The following ZNF470 variants were observed in gnomAD, a reference collection of about 807,000 sequenced individuals.
ZNF470 encodes chondrogenesis zinc finger protein 1.
ZNF470 carries 13 observed loss-of-function variants against 13.9 expected under a neutral mutation model. The observed-to-expected ratio is 0.94, with a 90% CI of 0.61 to 1.49. The LOEUF is 1.49. ZNF470 is among the 40% of genes most tolerant of loss of function. The pLI is 0.00. For synonymous variants in ZNF470, 293 were observed against 282.9 expected, an observed-to-expected ratio of 1.04 and a Z score of -0.36; for missense variants, 929 against 857.3, an observed-to-expected ratio of 1.08 and a Z score of -1.04.
Position 56,578,378 on chromosome 19 carries a change from A to G in ZNF470, c.1949A>G (p.Glu650Gly). Residue 650 changes from glutamate to glycine, a missense_variant, in exon 6 of 6, where the codon GAG becomes GGG. Glu to Gly is a moderately conservative substitution (Grantham distance 98). Coordinates refer to ENST00000330619, the MANE Select transcript of ZNF470 (RefSeq NM_001001668.4). The stretch of plus-strand genomic sequence containing the variant: ...ATTCATACAGGAGAGAAACCTTATG[A>G]GTGTAAGGAATGTAGCAAAGCCTTC... The part of the protein sequence containing the change: ...QRIHTGEKPY[E>G]CKECSKAFSQ... 1 of 1,610,950 alleles carries G rather than the reference A, an allele frequency of 6.2e-7. No homozygotes were observed. The highest frequency in any genetic ancestry group is 8.5e-7 in the Non-Finnish European group (1 of 1,178,332).
intron 3 of ZNF470, among the ~76,000 whole-genome samples, chr19:56,571,298 T>G (rs1490740050): frequency 6.6e-6 from 1 of 152,212 alleles, no homozygotes; most frequent in East Asian, 1.9e-4. Flanking sequence ...GTTAATAGAG[T>G]GTTGCAGTAA....
rs138393724 is a variant in ZNF470 at position 56,570,338 on chromosome 19, G to A, written c.27G>A (p.Val9=). The change falls in exon 3 of 6, where the codon GTG becomes GTA. Residue 9 remains valine, a synonymous_variant. Coordinates refer to ENST00000330619, the MANE Select transcript of ZNF470 (RefSeq NM_001001668.4). The part of the protein sequence containing the change: MKSQEEVE[V]AGIKLCKAMS... ...TGAAGAGCCAGGAAGAGGTAGAGGT[G>A]GCAGGAATTAAACTTTGTAAAGCCA... The A allele has an allele frequency of 3.7e-6, 6 of 1,614,042 alleles. No individual in the cohort carries two copies. In the African/African-American group the frequency reaches 8.0e-5, roughly 22 times the overall value.
At chr19:56,568,094 G>A (rs749971716) in intron 1 of ZNF470, 56 bp downstream of exon 1, 132 of 985,824 alleles carry the variant, frequency 1.3e-4, no homozygotes, top group Non-Finnish European at 1.5e-4. Context: ...GGTTTTGGGT[G>A]CTGTCTTTCG....
At chr19:56,570,880 C>T (rs1334802568) in intron 3 of ZNF470, among the ~76,000 whole-genome samples, 1 of 152,162 alleles carries the variant, frequency 6.6e-6, no homozygotes, top group Non-Finnish European at 1.5e-5. Context: ...AAAAAAAGTG[C>T]CCCTTCCTCT....
chr19:56,577,816 A>G lies in ZNF470; in HGVS notation c.1387A>G (p.Ser463Gly). 6.2e-7 allele frequency: 1 copy of G among 1,614,112 alleles called. No homozygotes were observed. Among genetic ancestry groups the G allele is most frequent in the East Asian group, 2.2e-5 (1 of 44,864 alleles). Residue 463 changes from serine to glycine, a missense_variant, in exon 6 of 6, where the codon AGC becomes GGC. Physicochemically the swap from Ser to Gly is moderately conservative, Grantham distance 56. Transcript: ENST00000330619. ...YECNICEKAF[S>G]HRGSLTLHQR... is the part of the protein sequence containing the mutation. ...ATGCAATATCTGTGAGAAAGCCTTC[A>G]GCCATCGTGGGTCTCTTACTCTTCA...
rs2044507667 is a variant in ZNF470 at position 56,578,219 on chromosome 19, A to C, written c.1790A>C (p.Glu597Ala). 6.2e-7 allele frequency: 1 copy of C among 1,613,856 alleles called. No individual in the cohort carries two copies. The highest frequency in any genetic ancestry group is 1.3e-5 in the African/African-American group (1 of 74,884). The change falls in exon 6 of 6, where the codon GAA becomes GCA. Residue 597 changes from glutamate (E) to alanine (A), a missense_variant. Coordinates refer to ENST00000330619, the MANE Select transcript of ZNF470 (RefSeq NM_001001668.4). ...GGCAAAAGACCGTATGAATGTCTTG[A>C]ATGTGGGAAGGCATTCAGGCAGAGG... is the stretch of plus-strand genomic sequence containing the variant. ...HSGKRPYECL[E>A]CGKAFRQRAS...
Position 56,577,955 on chromosome 19 carries a change from A to G in ZNF470, c.1526A>G (p.Tyr509Cys), listed in dbSNP as rs1196624069. The change falls in exon 6 of 6, where the codon TAT (tyrosine) becomes TGT (cysteine). Residue 509 changes from tyrosine to cysteine, a missense_variant. Physicochemically the swap from Tyr to Cys is radical, Grantham distance 194 (BLOSUM62 -2). Transcript: ENST00000330619. ...HQRIHTGEKPYECKECSKTFS... is the reference protein window; with the variant it reads ...HQRIHTGEKPCECKECSKTFS... ...AGAATTCATACTGGAGAGAAACCTTATGAATGTAAGGAATGCAGCAAAACC... is the reference window on the plus strand; with the variant it reads ...AGAATTCATACTGGAGAGAAACCTTGTGAATGTAAGGAATGCAGCAAAACC... 2 of 1,613,996 alleles carry G rather than the reference A, an allele frequency of 1.2e-6. No homozygotes were observed. The highest frequency in any genetic ancestry group is 2.2e-5 in the East Asian group (1 of 44,886).
Position 56,576,714 on chromosome 19 carries a change from C to G in ZNF470, c.285C>G (p.Asp95Glu), listed in dbSNP as rs745415001. 2.1e-6 allele frequency: 3 copies of G among 1,399,726 alleles called. No homozygotes were observed. The highest frequency in any genetic ancestry group is 9.3e-7 in the Non-Finnish European group (1 of 1,070,690). 86.7% of individuals were successfully genotyped at this position (1,399,726 alleles called of 1,614,324 possible). Reference sequence around the variant, plus strand: ...ATTTACTTTCTTAATATCTTTCAGACTTGGAGTGTGTGTGGGTGACCAAAT... The same window carrying G: ...ATTTACTTTCTTAATATCTTTCAGAGTTGGAGTGTGTGTGGGTGACCAAAT... The part of the protein sequence containing the change: ...KGGMNRGLCP[D>E]LECVWVTKSL... Residue 95 changes from aspartate (D) to glutamate (E), a missense_variant and splice_region_variant, in exon 6 of 6, where the codon GAC becomes GAG. By Grantham distance (45) the Asp-to-Glu change is conservative. Transcript: ENST00000330619.
intron 3 of ZNF470, among the ~76,000 whole-genome samples, chr19:56,571,041 G>C (rs140121760): frequency 1.3e-3 from 198 of 152,286 alleles, no homozygotes; most frequent in African/African-American, 4.2e-3. Flanking sequence ...GGGTTGGGGG[G>C]ACTTCACAGA....
chr19:56,574,807 C>T, intron 5 of ZNF470, 74 bp downstream of exon 5: 1 of 1,321,140 alleles, frequency 7.6e-7, no homozygotes, highest in Admixed American at 2.3e-5. Context: ...TTGGAAAACA[C>T]CTCTCAAACT....
Position 56,576,974 on chromosome 19 carries a change from A to T in ZNF470, c.545A>T (p.His182Leu). Residue 182 changes from histidine to leucine, a missense_variant, in exon 6 of 6, where the codon CAT (histidine) becomes CTT (leucine). By Grantham distance (99) the His-to-Leu change is moderately conservative. Coordinates refer to ENST00000330619, the MANE Select transcript of ZNF470 (RefSeq NM_001001668.4). ...DHSNKSGTVF[H>L]LNTLSYIKQI... is the part of the protein sequence containing the mutation. ...TCTAACAAATCTGGGACAGTTTTTC[A>T]TCTGAATACATTATCTTATATAAAA... 1.3e-6 allele frequency: 2 copies of T among 1,589,868 alleles called. No individual in the cohort carries two copies. The highest frequency in any genetic ancestry group is 1.7e-6 in the Non-Finnish European group (2 of 1,172,468).
In ZNF470 at chr19:56,578,467, A is replaced by G. The variant is rs34863160; in HGVS notation, c.2038A>G (p.Lys680Glu). Residue 680 changes from lysine (K) to glutamate (E), a missense_variant, in exon 6 of 6, where the codon AAA becomes GAA. Transcript: ENST00000330619. ...IHTGERPYECKECGKAFRQSV... is the reference protein window; with the variant it reads ...IHTGERPYECEECGKAFRQSV... ...TACTGGAGAAAGGCCCTATGAGTGT[A>G]AAGAATGTGGAAAAGCCTTCAGGCA... The G allele has an allele frequency of 2.2e-3, 3,474 of 1,612,548 alleles. 53 individuals carry two copies. The African/African-American group carries it at 0.04, about 18-fold the overall frequency.
chr19:56,579,455 A>C lies in ZNF470; in HGVS notation c.*872A>C, dbSNP rs2044519195. On this transcript the variant is annotated 3_prime_UTR_variant, in exon 6 of 6. Transcript: ENST00000330619. Reference sequence around the variant, plus strand: ...ACAAAGAACAAAAGCATTTGGTAGAATGTAGGACTAACCAGGGTAGGTAGT... The same window carrying C: ...ACAAAGAACAAAAGCATTTGGTAGACTGTAGGACTAACCAGGGTAGGTAGT... 2.0e-6 allele frequency: 2 copies of C among 985,334 alleles called. No homozygotes were observed. Among genetic ancestry groups the C allele is most frequent in the Non-Finnish European group, 2.4e-6 (2 of 829,968 alleles). 61.0% of individuals were successfully genotyped at this position (985,334 alleles called of 1,614,324 possible).
Position 56,576,961 on chromosome 19 carries a change from G to C in ZNF470, c.532G>C (p.Gly178Arg). 1 of 1,587,998 alleles carries C rather than the reference G, an allele frequency of 6.3e-7. No individual in the cohort carries two copies. Among genetic ancestry groups the C allele is most frequent in the Non-Finnish European group, 8.5e-7 (1 of 1,171,862 alleles). ...IEKRDHSNKS[G>R]TVFHLNTLSY... is the part of the protein sequence containing the mutation. ...AAAAAGAGATCACTCTAACAAATCT[G>C]GGACAGTTTTTCATCTGAATACATT... The change falls in exon 6 of 6, where the codon GGG (glycine) becomes CGG (arginine). Residue 178 changes from glycine (G) to arginine (R), a missense_variant. By Grantham distance (125) the Gly-to-Arg change is moderately radical (BLOSUM62 -2). Transcript: ENST00000330619.
rs1193787000 is a variant in ZNF470 at position 56,578,731 on chromosome 19, C to T, written c.*148C>T. 7.8e-7 allele frequency: 1 copy of T among 1,277,476 alleles called. No homozygotes were observed. Among genetic ancestry groups the T allele is most frequent in the African/African-American group, 1.5e-5 (1 of 66,650 alleles). 79.1% of individuals were successfully genotyped at this position (1,277,476 alleles called of 1,614,324 possible). On this transcript the variant is annotated 3_prime_UTR_variant, in exon 6 of 6. Coordinates refer to ENST00000330619, the MANE Select transcript of ZNF470 (RefSeq NM_001001668.4). ...GCTTCTATCAACTACATGTTTAACA[C>T]TGTAGGCAGCCTAACCTTTTAAAAA...
chr19:56,571,860 T>C (rs1418526802), intron 3 of ZNF470, among the ~76,000 whole-genome samples: 1 of 151,472 alleles, frequency 6.6e-6, no homozygotes, highest in Admixed American at 6.6e-5. Context: ...TCAAGTGATC[T>C]GCCAGCTTTG....
At chr19:56,573,316 G>T (rs2044468204) in intron 3 of ZNF470, among the ~76,000 whole-genome samples, 1 of 152,104 alleles carries the variant, frequency 6.6e-6, no homozygotes, top group African/African-American at 2.4e-5. Flanking sequence ...TCACGGTGCT[G>T]CCATGAAGCA....
chr19:56,577,715 T>G lies in ZNF470; in HGVS notation c.1286T>G (p.Val429Gly), dbSNP rs1176423304. 6.2e-7 allele frequency: 1 copy of G among 1,610,454 alleles called. No individual in the cohort carries two copies. Among genetic ancestry groups the G allele is most frequent in the Non-Finnish European group, 8.5e-7 (1 of 1,177,480 alleles). Residue 429 changes from valine to glycine, a missense_variant, in exon 6 of 6, where the codon GTG becomes GGG. Physicochemically the swap from Val to Gly is moderately radical, Grantham distance 109. Coordinates refer to ENST00000330619, the MANE Select transcript of ZNF470 (RefSeq NM_001001668.4). ...HTGERPYKCN[V>G]CGKAFSHGSS... ...GGAGAGAGACCTTACAAATGTAATGTGTGTGGGAAGGCTTTTAGCCATGGC... is the reference window on the plus strand; with the variant it reads ...GGAGAGAGACCTTACAAATGTAATGGGTGTGGGAAGGCTTTTAGCCATGGC...
At chr19:56,574,245 C>G in intron 3 of ZNF470, 149 bp from the exon 4 acceptor site, 1 of 1,280,550 alleles carries the variant, frequency 7.8e-7, no homozygotes, top group East Asian at 2.4e-5. Context: ...TGTCCAATAA[C>G]TTACCTGACC....
Sources: gnomAD v4.1 joint callset for allele counts (sites outside exome capture counted in the v4.1 genomes callset) on GRCh38, gnomAD v4.1.1 for gene constraint, MANE v1.5 for transcripts, NCBI Gene and HGNC (gene_info 2026-07-23, HGNC 2026-07-21) for gene names.